Variants in RXRA observed in about 807,000 individuals in gnomAD.
The protein encoded by RXRA is retinoic acid receptor RXR-alpha.
Under a neutral mutation model 44.5 loss-of-function variants are expected in RXRA, and 5 were observed. The observed-to-expected ratio is 0.11, with a 90% CI of 0.06 to 0.24. The LOEUF (loss-of-function observed/expected upper bound fraction) is 0.24. Among genes scored for constraint, RXRA ranks in the 10% least tolerant of loss-of-function variants. The pLI is 1.00. For missense variants in RXRA, 412 were observed against 646.5 expected (o/e 0.64, Z 3.93); for synonymous variants, 291 against 271.4 (o/e 1.07, Z -0.71).
intron 6 of RXRA, chr9:134,427,167 AAAC>A: frequency 1.0e-5 from 10 of 983,472 alleles, no homozygotes; most frequent in Non-Finnish European, 1.2e-5. Context: ...CATTGGGCAA[AAAC>A]AAAAAAAAAA....
chr9:134,426,103 G>C lies in RXRA; in HGVS notation c.911-3005G>C. On this transcript the variant is annotated intron_variant, in intron 6 of 9. Transcript: ENST00000481739. The surrounding 1 kb of genome is among the most constrained non-coding windows in gnomAD (Gnocchi z 4.6). ...GGAGTAAGTTCCTTGGGAAGGGCCA[G>C]CCTCTTGAGTTGGAGGACATAGTGA... 5.1e-6 allele frequency: 5 copies of C among 985,432 alleles called. No homozygotes were observed. Among genetic ancestry groups the C allele is most frequent in the Non-Finnish European group, 6.0e-6 (5 of 829,928 alleles). The allele number at this position is 985,432 out of a possible 1,614,324, so 61.0% of individuals were successfully genotyped here. A position where few individuals can be genotyped will look rare whatever the true frequency, so the allele number is the denominator to read the frequency against.
At position 134,365,208 on chromosome 9, in the gene RXRA, G is replaced by A. The variant is rs977453367; in HGVS notation, c.29-36424G>A. Among the ~76,000 whole-genome samples the A allele has an allele frequency of 6.6e-5, 10 of 152,308 alleles. No homozygotes were observed. The highest frequency in any genetic ancestry group is 3.9e-4 in the East Asian group (2 of 5,170). ...GAAAGCCCCTCGTGGGCCATCTCCC[G>A]GAGTTCTCTTGAGGGCCCCTGTCTT... On this transcript the variant is annotated intron_variant, in intron 1 of 9. Coordinates refer to ENST00000481739, the MANE Select transcript of RXRA (RefSeq NM_002957.6). This position sits in a 1 kb window ranked among gnomAD's most constrained non-coding sequence, Gnocchi z 4.0.
At chr9:134,413,531 TAAG>T (rs1440511002) in intron 4 of RXRA, among the ~76,000 whole-genome samples, 1 of 152,154 alleles carries the variant, frequency 6.6e-6, no homozygotes, top group Non-Finnish European at 1.5e-5. Context: ...TCCCCACCCT[TAAG>T]AGGAGGCCAG....
rs1391622309 is a variant in RXRA at position 134,343,362 on chromosome 9, G to A, written c.28+16703G>A. On this transcript the variant is annotated intron_variant, in intron 1 of 9. Coordinates refer to ENST00000481739, the MANE Select transcript of RXRA (RefSeq NM_002957.6). The surrounding 1 kb of genome is among the most constrained non-coding windows in gnomAD (Gnocchi z 4.1). ...CCTCTGAACCTCAGTGTCTTTGAGGGCTGGGAGGAGGAGTTTCTTCTTCTG... is the reference window on the plus strand; with the variant it reads ...CCTCTGAACCTCAGTGTCTTTGAGGACTGGGAGGAGGAGTTTCTTCTTCTG... Among the ~76,000 whole-genome samples the A allele has an allele frequency of 1.3e-5, 2 of 152,168 alleles. No individual in the cohort carries two copies. Among genetic ancestry groups the A allele is most frequent in the African/African-American group, 4.8e-5 (2 of 41,424 alleles).
chr9:134,335,915 C>T (rs782611625), intron 1 of RXRA, among the ~76,000 whole-genome samples: 12 of 152,170 alleles, frequency 7.9e-5, no homozygotes, highest in East Asian at 1.9e-4. Flanking sequence ...GCAGCTTAGG[C>T]GCCATTTGCC....
In RXRA at chr9:134,387,267, A is replaced by G. The variant is rs183126823; in HGVS notation, c.29-14365A>G. Reference sequence around the variant, plus strand: ...CTGGCAAGGACGTCTGTTAATTGGCATGCACAGAGTGCCAGGGCCCATGTG... The same window carrying G: ...CTGGCAAGGACGTCTGTTAATTGGCGTGCACAGAGTGCCAGGGCCCATGTG... On this transcript the variant is annotated intron_variant, in intron 1 of 9. Transcript: ENST00000481739. 4.3e-4 allele frequency among the ~76,000 whole-genome samples: 65 copies of G among 152,370 alleles called. No homozygotes were observed. In the East Asian group the frequency reaches 0.011, roughly 27 times the overall value.
rs564927581 is a variant in RXRA at position 134,339,068 on chromosome 9, G to A, written c.28+12409G>A. Among the ~76,000 whole-genome samples, 23 of 152,322 alleles carry A rather than the reference G, an allele frequency of 1.5e-4. No homozygotes were observed. In the East Asian group the frequency reaches 3.7e-3, roughly 24 times the overall value. Reference sequence around the variant, plus strand: ...GACTTGGAGCCGGACCTAGGTCGCCGGCCGTGTGCCTGGTGTCGGGGCAGG... The same window carrying A: ...GACTTGGAGCCGGACCTAGGTCGCCAGCCGTGTGCCTGGTGTCGGGGCAGG... On this transcript the variant is annotated intron_variant, in intron 1 of 9. Coordinates refer to ENST00000481739, the MANE Select transcript of RXRA (RefSeq NM_002957.6).
chr9:134,327,284 C>T (rs1554746161), intron 1 of RXRA, among the ~76,000 whole-genome samples: 2 of 152,156 alleles, frequency 1.3e-5, no homozygotes, highest in African/African-American at 2.4e-5. Flanking sequence ...CTGGCACCCC[C>T]GGGTGTTCTC....
chr9:134,424,493 T>A, intron 6 of RXRA: 1 of 985,410 alleles, frequency 1.0e-6, no homozygotes, highest in Non-Finnish European at 1.2e-6. Context: ...CATGGTGAGG[T>A]CTGAAGCTGC....
intron 1 of RXRA, among the ~76,000 whole-genome samples, chr9:134,330,964 G>T (rs1834995751): frequency 6.6e-6 from 1 of 152,198 alleles, no homozygotes; most frequent in Non-Finnish European, 1.5e-5. Context: ...CCTCCTGCCT[G>T]GGTCAGGTGG....
chr9:134,399,190 G>A (rs1035866054), intron 1 of RXRA, among the ~76,000 whole-genome samples: 1 of 152,268 alleles, frequency 6.6e-6, no homozygotes, highest in Non-Finnish European at 1.5e-5. Context: ...GGGTGAGGTG[G>A]GGCTGTGATG....
chr9:134,408,932 T>C lies in RXRA; in HGVS notation c.431-8T>C, dbSNP rs752375045. On this transcript the variant is annotated splice_region_variant and splice_polypyrimidine_tract_variant and intron_variant, in intron 3 of 9. Coordinates refer to ENST00000481739, the MANE Select transcript of RXRA (RefSeq NM_002957.6). ...TGCTCCCCAGCCCTGCTCTGCCCTG[T>C]CCCGCAGGCAAGCACTATGGAGTGT... 1.8e-5 allele frequency: 27 copies of C among 1,534,276 alleles called. No homozygotes were observed. Among genetic ancestry groups the C allele is most frequent in the Non-Finnish European group, 2.1e-5 (24 of 1,136,938 alleles).
chr9:134,371,708 GC>G (rs1052859130), intron 1 of RXRA, among the ~76,000 whole-genome samples: 7 of 152,182 alleles, frequency 4.6e-5, no homozygotes, highest in African/African-American at 1.4e-4. Flanking sequence ...GGGGTGGCGT[GC>G]GCCCCCTTGA....
At chr9:134,420,798 G>A (rs1338204652) in intron 5 of RXRA, among the ~76,000 whole-genome samples, 1 of 152,252 alleles carries the variant, frequency 6.6e-6, no homozygotes, top group Non-Finnish European at 1.5e-5. Flanking sequence ...CCTGCCAGGA[G>A]CTGAGGAGGG....
chr9:134,383,766 G>A (rs1431114156), intron 1 of RXRA, among the ~76,000 whole-genome samples: 1 of 152,114 alleles, frequency 6.6e-6, no homozygotes, highest in African/African-American at 2.4e-5. Flanking sequence ...CGGGTAGGTG[G>A]GCTGTGATCC....
chr9:134,372,553 C>T lies in RXRA; in HGVS notation c.29-29079C>T, dbSNP rs150745332. On this transcript the variant is annotated intron_variant, in intron 1 of 9. Transcript: ENST00000481739. ...TTAGAGGGCATCACGGAGGCCTCCC[C>T]GTCACCTCAGAGGGCATCACGGAGG... 4.9e-3 allele frequency among the ~76,000 whole-genome samples: 747 copies of T among 150,976 alleles called. 3 individuals are homozygous for T. The highest frequency in any genetic ancestry group is 7.4e-3 in the Non-Finnish European group (506 of 67,978).
intron 1 of RXRA, among the ~76,000 whole-genome samples, chr9:134,327,260 T>C (rs1410856172): frequency 6.6e-6 from 1 of 151,958 alleles, no homozygotes; most frequent in Non-Finnish European, 1.5e-5. Flanking sequence ...ATTCCAGAAA[T>C]GGGGCCCCTC....
chr9:134,379,245 T>G (rs1830603305), intron 1 of RXRA: 1 of 985,092 alleles, frequency 1.0e-6, no homozygotes, highest in African/African-American at 1.7e-5. Flanking sequence ...GTGGGCTCCC[T>G]GAGGGCGGGG....
intron 5 of RXRA, among the ~76,000 whole-genome samples, chr9:134,418,343 G>A (rs996710410): frequency 6.6e-6 from 1 of 152,178 alleles, no homozygotes; most frequent in African/African-American, 2.4e-5. Context: ...GGGCCCATGT[G>A]TCTTTTGCCA....
Sources: allele counts gnomAD v4.1 joint callset (sites outside exome capture counted in the v4.1 genomes callset), GRCh38; gene constraint gnomAD v4.1.1; non-coding constraint Gnocchi (gnomAD v3.1); transcripts MANE v1.5; gene names NCBI Gene and HGNC (gene_info 2026-07-23, HGNC 2026-07-21).